The following CHST15 variants were observed in gnomAD, a reference collection of about 807,000 sequenced individuals.
The protein encoded by CHST15 is carbohydrate sulfotransferase 15.
In CHST15, 30 loss-of-function variants were observed where a neutral mutation model predicts 53.6. The observed-to-expected ratio is 0.56, with a 90% CI of 0.42 to 0.76. CHST15 has a LOEUF of 0.76. Ranked by LOEUF, CHST15 falls within the 30% of genes least tolerant of loss-of-function variation. CHST15 has a pLI of 0.00. For synonymous variants in CHST15, 296 were observed against 289.8 expected, an observed-to-expected ratio of 1.02 and a Z score of -0.22; for missense variants, 627 against 740.5, an observed-to-expected ratio of 0.85 and a Z score of 1.78.
At position 124,022,091 on chromosome 10, in the gene CHST15, G is replaced by C. The variant is rs142718616; in HGVS notation, c.1191-679C>G. On this transcript the variant is annotated intron_variant, in intron 5 of 7. Transcript: ENST00000435907. ...CGCACGGGAACTGATCGTCTTCCTT[G>C]ACCCACTTCAGGCTCCTCTGTATCC... Among the ~76,000 whole-genome samples, 428 of 152,286 alleles carry C rather than the reference G, an allele frequency of 2.8e-3. 2 individuals carry two copies. Among genetic ancestry groups the C allele is most frequent in the African/African-American group, 0.01 (421 of 41,566 alleles).
chr10:124,060,002 A>G (rs928261395), intron 1 of CHST15, among the ~76,000 whole-genome samples: 1 of 152,110 alleles, frequency 6.6e-6, no homozygotes, highest in African/African-American at 2.4e-5. Flanking sequence ...CTGCCCCCAG[A>G]CAGACCCAGC....
intron 1 of CHST15, among the ~76,000 whole-genome samples, chr10:124,082,178 G>C (rs1468664664): frequency 2.0e-5 from 3 of 152,280 alleles, no homozygotes; most frequent in African/African-American, 4.8e-5. Context: ...TCACATAAAA[G>C]AGGGCAAGCT....
chr10:124,026,730 G>A (rs1947027738), intron 5 of CHST15, among the ~76,000 whole-genome samples: 1 of 152,192 alleles, frequency 6.6e-6, no homozygotes, highest in Admixed American at 6.5e-5. Flanking sequence ...CTCAGCGGAT[G>A]CTTGCTTTCA....
Position 124,036,279 on chromosome 10 carries a change from C to T in CHST15, c.1190+2236G>A, listed in dbSNP as rs927975401. Among the ~76,000 whole-genome samples the T allele has an allele frequency of 1.3e-5, 2 of 152,108 alleles. No homozygotes were observed. The highest frequency in any genetic ancestry group is 6.5e-5 in the Admixed American group (1 of 15,276). ...ATGGAGGGAGACCACTCAGCAGGGC[C>T]GATTTCTGCCTCCAAAACACGGGAA... On this transcript the variant is annotated intron_variant, in intron 5 of 7. Coordinates refer to ENST00000435907, the MANE Select transcript of CHST15 (RefSeq NM_001270764.2). This position sits in a 1 kb window ranked among gnomAD's most constrained non-coding sequence, Gnocchi z 5.1.
At chr10:124,034,473 G>C (rs531314426) in intron 5 of CHST15, among the ~76,000 whole-genome samples, 10 of 152,040 alleles carry the variant, frequency 6.6e-5, no homozygotes, top group Admixed American at 6.5e-4. Flanking sequence ...TATCCTCAGA[G>C]GTGGGACCAG....
chr10:124,023,841 T>C (rs567470008), intron 5 of CHST15, among the ~76,000 whole-genome samples: 1 of 137,528 alleles, frequency 7.3e-6, no homozygotes, highest in Admixed American at 7.7e-5. Context: ...CATATTTCCG[T>C]CTTCGTTTTT....
intron 2 of CHST15, among the ~76,000 whole-genome samples, 193 bp from the exon 3 acceptor site, chr10:124,045,112 C>CAAAAAAAAAAAAAAAAA (rs758243657): frequency 2.0e-3 from 68 of 33,744 alleles, no homozygotes; most frequent in Non-Finnish European, 2.7e-3. Context: ...CGCCGCCCCA[C>CAAAAAAAAAAAAAAAAA]AAAAAAAAAA....
intron 1 of CHST15, among the ~76,000 whole-genome samples, chr10:124,070,257 A>G (rs1049263275): frequency 6.6e-6 from 1 of 152,228 alleles, no homozygotes; most frequent in Admixed American, 6.5e-5. Context: ...ATCTCTCCCA[A>G]GGGAAATGCA....
At chr10:124,032,542 A>G (rs1947263169) in intron 5 of CHST15, among the ~76,000 whole-genome samples, 2 of 152,200 alleles carry the variant, frequency 1.3e-5, no homozygotes, top group African/African-American at 4.8e-5. Context: ...TGTCTCACAA[A>G]TGAAGAGGCA....
chr10:124,035,105 AC>A (rs1947415782), intron 5 of CHST15, among the ~76,000 whole-genome samples: 1 of 120,428 alleles, frequency 8.3e-6, no homozygotes, highest in Non-Finnish European at 1.7e-5. Flanking sequence ...CCTAACAGGG[AC>A]CCCGGCTCCG....
At chr10:124,054,813 C>T (rs1948319188) in intron 1 of CHST15, among the ~76,000 whole-genome samples, 1 of 152,126 alleles carries the variant, frequency 6.6e-6, no homozygotes, top group Non-Finnish European at 1.5e-5. Flanking sequence ...AGTCTAGTAC[C>T]CCGCACACCG....
At position 124,007,848 on chromosome 10, in the gene CHST15, A is replaced by G. The variant is rs941032713; in HGVS notation, c.*2301T>C. The G allele has an allele frequency of 2.4e-6, 3 of 1,232,040 alleles. No homozygotes were observed. The highest frequency in any genetic ancestry group is 8.4e-5 in the Admixed American group (2 of 23,706). The allele number at this position is 1,232,040 out of a possible 1,614,324, so 76.3% of individuals were successfully genotyped here. A position where few individuals can be genotyped will look rare whatever the true frequency, so the allele number is the denominator to read the frequency against. Reference sequence around the variant, plus strand: ...GAGAACAAAAAGGAACTTCAATACCATGTTGTGAGAAATGCTCCAATTTGC... The same window carrying G: ...GAGAACAAAAAGGAACTTCAATACCGTGTTGTGAGAAATGCTCCAATTTGC... On this transcript the variant is annotated 3_prime_UTR_variant, in exon 8 of 8. Coordinates refer to ENST00000435907, the MANE Select transcript of CHST15 (RefSeq NM_001270764.2).
At chr10:124,017,182 T>A (rs904114788) in intron 6 of CHST15, among the ~76,000 whole-genome samples, 1 of 152,008 alleles carries the variant, frequency 6.6e-6, no homozygotes, top group Admixed American at 6.6e-5. Context: ...GGTCAGGAGT[T>A]CCCCCCTGCC....
chr10:124,035,190 CACCCCTAACGGGGACCCTG>C (rs1947427443), intron 5 of CHST15, among the ~76,000 whole-genome samples: 4 of 121,868 alleles, frequency 3.3e-5, no homozygotes, highest in East Asian at 5.6e-4. Context: ...ACCCTGGTTC[CACCCCTAACGGGGACCCTG>C]GCTCTACCCC....
At chr10:124,047,287 T>C (rs1378644604) in intron 1 of CHST15, among the ~76,000 whole-genome samples, 1 of 152,210 alleles carries the variant, frequency 6.6e-6, no homozygotes, top group African/African-American at 2.4e-5. Flanking sequence ...TAATGAAAAT[T>C]TAGAAACAAT....
rs769032012 is a variant in CHST15, at chr10:124,008,052, G to A, written c.*2097C>T. The A allele has an allele frequency of 1.5e-5, 19 of 1,231,942 alleles. No homozygotes were observed. Among genetic ancestry groups the A allele is most frequent in the Non-Finnish European group, 1.9e-5 (19 of 987,968 alleles). 76.3% of individuals were successfully genotyped at this position (1,231,942 alleles called of 1,614,324 possible). ...TGAGTGGCACAGAAGGGATGGGACT[G>A]CATATATAAAAAAGATCCGCATAAT... On this transcript the variant is annotated 3_prime_UTR_variant, in exon 8 of 8. Coordinates refer to ENST00000435907, the MANE Select transcript of CHST15 (RefSeq NM_001270764.2).
In CHST15 at chr10:124,024,512, A is replaced by G. The variant is rs545088203; in HGVS notation, c.1191-3100T>C. Among the ~76,000 whole-genome samples, 28 of 152,288 alleles carry G rather than the reference A, an allele frequency of 1.8e-4. No individual in the cohort carries two copies. In the East Asian group the frequency reaches 4.8e-3, roughly 26 times the overall value. On this transcript the variant is annotated intron_variant, in intron 5 of 7. Coordinates refer to ENST00000435907, the MANE Select transcript of CHST15 (RefSeq NM_001270764.2). The surrounding 1 kb of genome is among the most constrained non-coding windows in gnomAD (Gnocchi z 4.0). ...ACAGCCTGGCCAGCCAAACTGTCCA[A>G]AGAGACAGTCAGCAAAGGGGCTCGG...
At chr10:124,051,087 C>A (rs1471399524) in intron 1 of CHST15, among the ~76,000 whole-genome samples, 1 of 152,080 alleles carries the variant, frequency 6.6e-6, no homozygotes, top group Non-Finnish European at 1.5e-5. Flanking sequence ...AGATTACAGG[C>A]ATGCATCACT....
intron 6 of CHST15, among the ~76,000 whole-genome samples, chr10:124,017,936 G>A (rs1299817152): frequency 6.6e-6 from 1 of 152,246 alleles, no homozygotes; most frequent in African/African-American, 2.4e-5. Flanking sequence ...TCTACCAGGA[G>A]GCACTTGGGC....
Sources: allele counts gnomAD v4.1 joint callset (sites outside exome capture counted in the v4.1 genomes callset), GRCh38; gene constraint gnomAD v4.1.1; non-coding constraint Gnocchi (gnomAD v3.1); transcripts MANE v1.5; gene names NCBI Gene and HGNC (gene_info 2026-07-23, HGNC 2026-07-21).